Variants in MTTP observed in about 807,000 individuals in gnomAD.
The protein encoded by MTTP is microsomal triglyceride transfer protein, also known as microsomal triglyceride transfer protein large subunit.
A neutral mutation model predicts 90.6 loss-of-function variants in MTTP; 49 were observed. That is an observed-to-expected ratio of 0.54 (90% confidence interval 0.43 to 0.69). The LOEUF is 0.69. MTTP is among the 30% of genes least tolerant of loss of function. MTTP has a pLI of 0.00. For synonymous variants in MTTP, 347 were observed against 384.2 expected (o/e 0.90, Z 1.13); for missense variants, 945 against 1,067.5 (o/e 0.89, Z 1.60).
intron 1 of MTTP, among the ~76,000 whole-genome samples, chr4:99,580,597 A>AAAAAAAAAAAAAAAAAAAAAAAAAAAAC (rs1725082271): frequency 6.7e-6 from 1 of 150,112 alleles, no homozygotes; most frequent in African/African-American, 2.5e-5. Context: ...AAAAAAAAAA[A>AAAAAAAAAAAAAAAAAAAAAAAAAAAAC]AAAGAATCAT....
chr4:99,574,818 A>G, upstream of MTTP: 1 of 1,613,108 alleles, frequency 6.2e-7, no homozygotes, highest in Non-Finnish European at 8.5e-7. Flanking sequence ...GGTTCTGAAG[A>G]GGGTCACTCC....
chr4:99,593,375 T>C (rs1017157112), intron 6 of MTTP, among the ~76,000 whole-genome samples: 1 of 151,758 alleles, frequency 6.6e-6, no homozygotes, highest in South Asian at 2.1e-4. Flanking sequence ...GTAGCATTTG[T>C]AATTTTTAAG....
At chr4:99,597,302 C>T in intron 8 of MTTP, 78 bp downstream of exon 8, 1 of 1,510,174 alleles carries the variant, frequency 6.6e-7, no homozygotes, top group Non-Finnish European at 9.1e-7. Context: ...TAAGAAAGAC[C>T]CCTTTTAAAC....
At chr4:99,584,066 T>C (rs1312121493) in intron 3 of MTTP, 1 of 153,450 alleles carries the variant, frequency 6.5e-6, no homozygotes, top group Admixed American at 6.5e-5. Context: ...TTTTATATAT[T>C]AAAATAATGA....
chr4:99,589,706 G>T lies in MTTP; in HGVS notation c.457G>T (p.Ala153Ser). Residue 153 changes from alanine to serine, a missense_variant, in exon 4 of 18, where the codon GCT (alanine) becomes TCT (serine). Ala to Ser is a moderately conservative substitution (Grantham distance 99, BLOSUM62 1). Coordinates refer to ENST00000265517, the MANE Select transcript of MTTP (RefSeq NM_001386140.1). ...CATAGAAAATATCAAGAGAGGTCTG[G>T]CTAGCCTATTTCAGACACAGTTAAG... Reference protein sequence around the residue: ...VAIENIKRGLASLFQTQLSSG... With the variant: ...VAIENIKRGLSSLFQTQLSSG... The T allele has an allele frequency of 6.2e-7, 1 of 1,608,136 alleles. No homozygotes were observed. Among genetic ancestry groups the T allele is most frequent in the Non-Finnish European group, 8.5e-7 (1 of 1,175,090 alleles).
rs755877714 is a variant in MTTP at position 99,611,123 on chromosome 4, T to G, written c.1770-20T>G. On this transcript the variant is annotated intron_variant, in intron 12 of 17. Coordinates refer to ENST00000265517, the MANE Select transcript of MTTP (RefSeq NM_001386140.1). ...TCATTACAATGAATGTGCAGCTTTTTTTTTCCTCATATGTTGCAGCAAAAT... is the reference window on the plus strand; with the variant it reads ...TCATTACAATGAATGTGCAGCTTTTGTTTTCCTCATATGTTGCAGCAAAAT... 3 of 1,605,124 alleles carry G rather than the reference T, an allele frequency of 1.9e-6. No individual in the cohort carries two copies. The East Asian group carries it at 6.7e-5, about 36-fold the overall frequency.
intron 1 of MTTP, chr4:99,564,475 C>CT (rs911065095): frequency 6.4e-6 from 3 of 465,912 alleles, no homozygotes; most frequent in Admixed American, 3.8e-5. Flanking sequence ...ATCTGTAAGG[C>CT]TTTTTTATGG....
In MTTP at chr4:99,589,148, G is replaced by A. The variant is rs570719505; in HGVS notation, c.394-495G>A. Reference sequence around the variant, plus strand: ...TTGCCCCTGTGAAATGTTGACCATGGGTATTATGGCCATGCCTGGGGCCTT... The same window carrying A: ...TTGCCCCTGTGAAATGTTGACCATGAGTATTATGGCCATGCCTGGGGCCTT... On this transcript the variant is annotated intron_variant, in intron 3 of 17. Transcript: ENST00000265517. Among the ~76,000 whole-genome samples, 4 of 143,760 alleles carry A rather than the reference G, an allele frequency of 2.8e-5. No individual in the cohort carries two copies. In the Admixed American group the frequency reaches 2.9e-4, roughly 11 times the overall value. 94.3% of individuals were successfully genotyped at this position (143,760 alleles called of 152,430 possible). A position where few individuals can be genotyped will look rare whatever the true frequency, so the allele number is the denominator to read the frequency against.
At position 99,591,263 on chromosome 4, in the gene MTTP, C is replaced by A. The variant is rs771022331; in HGVS notation, c.530C>A (p.Thr177Asn). ...EVDISGNCKV[T>N]YQAHQDKVIK... Reference sequence around the variant, plus strand: ...GATATCTCTGGAAATTGTAAAGTGACCTACCAGGCTCATCAAGACAAAGTG... The same window carrying A: ...GATATCTCTGGAAATTGTAAAGTGAACTACCAGGCTCATCAAGACAAAGTG... The change falls in exon 5 of 18, where the codon ACC becomes AAC. Residue 177 changes from threonine (T) to asparagine (N), a missense_variant. Thr to Asn is a moderately conservative substitution (Grantham distance 65). Coordinates refer to ENST00000265517, the MANE Select transcript of MTTP (RefSeq NM_001386140.1). 6.2e-7 allele frequency: 1 copy of A among 1,613,520 alleles called. No individual in the cohort carries two copies. Among genetic ancestry groups the A allele is most frequent in the East Asian group, 2.2e-5 (1 of 44,852 alleles).
intron 1 of MTTP, among the ~76,000 whole-genome samples, chr4:99,580,035 CAAA>C (rs34092272): frequency 8.3e-5 from 5 of 60,598 alleles, no homozygotes; most frequent in Admixed American, 2.0e-4. Flanking sequence ...GACCCTGTCT[CAAA>C]AAAAAAAAAA....
intron 2 of MTTP, among the ~76,000 whole-genome samples, 188 bp downstream of exon 2, chr4:99,582,280 A>G (rs985604002): frequency 2.6e-5 from 4 of 152,246 alleles, no homozygotes; most frequent in African/African-American, 9.6e-5. Flanking sequence ...TTTCCAAGTT[A>G]TTGCAACAGA....
intron 1 of MTTP, among the ~76,000 whole-genome samples, chr4:99,566,309 A>AG (rs1553925310): frequency 6.6e-6 from 1 of 151,566 alleles, no homozygotes; most frequent in Non-Finnish European, 1.5e-5. Flanking sequence ...AAAAAAAAAA[A>AG]AAAAAGAAAA....
intron 15 of MTTP, among the ~76,000 whole-genome samples, chr4:99,617,456 C>T (rs1394031811): frequency 6.6e-6 from 1 of 152,118 alleles, no homozygotes; most frequent in African/African-American, 2.4e-5. Context: ...GGGAGATCAA[C>T]ACAATCCTTG....
chr4:99,621,506 T>C (rs567386088), intron 17 of MTTP, among the ~76,000 whole-genome samples: 1 of 152,328 alleles, frequency 6.6e-6, no homozygotes, highest in East Asian at 1.9e-4. Flanking sequence ...GAAAGGCCTA[T>C]GATTTACCAT....
At chr4:99,599,886 A>G (rs968985656) in intron 8 of MTTP, among the ~76,000 whole-genome samples, 3 of 152,182 alleles carry the variant, frequency 2.0e-5, no homozygotes, top group Admixed American at 6.5e-5. Flanking sequence ...TAATATTTAC[A>G]TACATGTGTT....
At chr4:99,569,531 G>A (rs1503778) in intron 1 of MTTP, among the ~76,000 whole-genome samples, 39,809 of 151,802 alleles carry the variant, frequency 0.26, 5,388 homozygotes, top group South Asian at 0.35. Context: ...AAATCTTTGT[G>A]TTATTTTAGC....
rs559334032 is a variant in MTTP, at chr4:99,596,360, T to C, written c.910-707T>C. On this transcript the variant is annotated intron_variant, in intron 7 of 17. Transcript: ENST00000265517. ...TTCAGTTAGTTTCAAAGCCGAGAGA[T>C]GCTGTTAATTAGAACTATTTATTAG... Among the ~76,000 whole-genome samples the C allele has an allele frequency of 9.9e-5, 15 of 152,280 alleles. No individual in the cohort carries two copies. In the South Asian group the frequency reaches 3.1e-3, roughly 32 times the overall value.
chr4:99,576,612 G>A (rs927033142), intron 1 of MTTP, among the ~76,000 whole-genome samples: 24 of 144,090 alleles, frequency 1.7e-4, no homozygotes, highest in African/African-American at 5.9e-4. Flanking sequence ...GGAGAATGGC[G>A]TGAACCCGGG....
chr4:99,595,501 C>A (rs2130907), intron 7 of MTTP: 3,626 of 157,502 alleles, frequency 0.023, 109 homozygotes, highest in Middle Eastern at 0.1. Context: ...TACCACCCAG[C>A]ATTTCCTTAT....
Sources: gnomAD v4.1 joint callset for allele counts (sites outside exome capture counted in the v4.1 genomes callset) on GRCh38, gnomAD v4.1.1 for gene constraint, MANE v1.5 for transcripts, NCBI Gene and HGNC (gene_info 2026-07-23, HGNC 2026-07-21) for gene names.